The following EIF3E variants were observed in gnomAD, a reference collection of about 807,000 sequenced individuals.
The protein encoded by EIF3E is eIF-3 p48.
In EIF3E, 25 loss-of-function variants were observed where a neutral mutation model predicts 59.3. That is an observed-to-expected ratio of 0.42 (90% CI 0.31 to 0.59). The LOEUF (loss-of-function observed/expected upper bound fraction) is 0.59. Ranked by LOEUF, EIF3E falls within the 20% of genes least tolerant of loss-of-function variation. The probability of loss-of-function intolerance (pLI) is 0.15; values close to 1 mark genes in which losing one functional copy is unlikely to be tolerated. For missense variants in EIF3E, 317 were observed against 534.3 expected (o/e 0.59, Z 4.01); for synonymous variants, 176 against 170.2 (o/e 1.03, Z -0.26).
Position 108,217,382 on chromosome 8 carries a change from A to G in EIF3E, c.801T>C (p.Val267=). The part of the protein sequence containing the change: ...LTTAVITNKD[V]RKRRQVLKDL... ...CTTTTAGAACCTGCCGACGTTTTCG[A>G]ACATCCTTGTTTGTTATGACTGCTG... Residue 267 remains valine (V), a synonymous_variant, in exon 8 of 13, where the codon GTT becomes GTC. Coordinates refer to ENST00000220849, the MANE Select transcript of EIF3E (RefSeq NM_001568.3). 3 of 1,595,740 alleles carry G rather than the reference A, an allele frequency of 1.9e-6. No homozygotes were observed. The highest frequency in any genetic ancestry group is 2.6e-6 in the Non-Finnish European group (3 of 1,170,714).
intron 2 of EIF3E, among the ~76,000 whole-genome samples, chr8:108,241,063 G>C (rs1480179083): frequency 2.0e-5 from 3 of 152,080 alleles, no homozygotes; most frequent in Non-Finnish European, 4.4e-5. Flanking sequence ...TTATTGCAGG[G>C]AACTACAAGT....
At chr8:108,243,011 A>G (rs1312391969) in intron 1 of EIF3E, among the ~76,000 whole-genome samples, 1 of 152,238 alleles carries the variant, frequency 6.6e-6, no homozygotes, top group East Asian at 1.9e-4. Flanking sequence ...AAATGGGTGC[A>G]TATAGTCAAA....
intron 5 of EIF3E, among the ~76,000 whole-genome samples, chr8:108,232,450 G>A (rs1026971365): frequency 2.6e-5 from 4 of 151,912 alleles, no homozygotes; most frequent in African/African-American, 9.7e-5. Context: ...GATTTGTTAG[G>A]GGCAATGCAA....
At chr8:108,236,247 GA>G (rs1815727480) in intron 3 of EIF3E, 44 bp from the exon 4 acceptor site, 2 of 1,523,300 alleles carry the variant, frequency 1.3e-6, no homozygotes, top group Non-Finnish European at 1.8e-6. Context: ...AAAGGCCACA[GA>G]AAACAAAATA....
chr8:108,207,448 A>G (rs1815125153), intron 10 of EIF3E, among the ~76,000 whole-genome samples: 1 of 152,230 alleles, frequency 6.6e-6, no homozygotes, highest in African/African-American at 2.4e-5. Flanking sequence ...AATTTTAAAA[A>G]GACAAAAAGT....
intron 6 of EIF3E, among the ~76,000 whole-genome samples, chr8:108,228,767 C>A (rs1024626735): frequency 2.4e-4 from 36 of 151,978 alleles, no homozygotes; most frequent in Non-Finnish European, 1.5e-5. Context: ...ATAGGACTTT[C>A]AATAATAGGT....
At chr8:108,216,804 C>A (rs1422322069) in intron 8 of EIF3E, among the ~76,000 whole-genome samples, 1 of 152,092 alleles carries the variant, frequency 6.6e-6, no homozygotes, top group Non-Finnish European at 1.5e-5. Flanking sequence ...ATAAACTTCC[C>A]CAATCATAAG....
At chr8:108,209,365 T>A (rs1815164330) in intron 10 of EIF3E, among the ~76,000 whole-genome samples, 1 of 152,130 alleles carries the variant, frequency 6.6e-6, no homozygotes, top group Non-Finnish European at 1.5e-5. Flanking sequence ...CAGGATTCAC[T>A]GACCCTACCT....
At chr8:108,214,774 G>A (rs1815271709) in intron 9 of EIF3E, 58 bp from the exon 10 acceptor site, 3 of 1,411,702 alleles carry the variant, frequency 2.1e-6, no homozygotes, top group Non-Finnish European at 2.9e-6. Flanking sequence ...CCTGAAACGT[G>A]AATCAAATAC....
At chr8:108,217,062 G>A (rs1353045266) in intron 8 of EIF3E, among the ~76,000 whole-genome samples, 1 of 152,038 alleles carries the variant, frequency 6.6e-6, no homozygotes, top group Non-Finnish European at 1.5e-5. Flanking sequence ...TTCACTCTTT[G>A]CAATAAGAGA....
At chr8:108,207,436 C>A (rs906167064) in intron 10 of EIF3E, among the ~76,000 whole-genome samples, 2 of 152,054 alleles carry the variant, frequency 1.3e-5, no homozygotes, top group African/African-American at 4.8e-5. Flanking sequence ...AGAAATAAAA[C>A]CAATTTTAAA....
intron 2 of EIF3E, 121 bp downstream of exon 2, chr8:108,241,678 G>C: frequency 1.9e-6 from 1 of 516,364 alleles, no homozygotes. Context: ...CTCACCCAAA[G>C]AACATTAACA....
intron 10 of EIF3E, 128 bp from the exon 11 acceptor site, chr8:108,203,631 C>A: frequency 1.4e-6 from 1 of 700,428 alleles, no homozygotes. Context: ...CTCTTATATA[C>A]CATGACCCCT....
At chr8:108,233,643 A>T (rs1291614631) in intron 5 of EIF3E, 8 of 407,908 alleles carry the variant, frequency 2.0e-5, no homozygotes, top group African/African-American at 1.5e-4. Context: ...GGAGTTTGAG[A>T]TCAGCCTGGG....
chr8:108,212,234 C>T (rs1815224192), intron 10 of EIF3E, among the ~76,000 whole-genome samples: 1 of 152,122 alleles, frequency 6.6e-6, no homozygotes, highest in South Asian at 2.1e-4. Context: ...TCTGCTTATA[C>T]ACATATATAA....
chr8:108,207,271 G>A (rs1329649516), intron 10 of EIF3E, among the ~76,000 whole-genome samples: 2 of 152,038 alleles, frequency 1.3e-5, no homozygotes, highest in Admixed American at 1.3e-4. Context: ...AGGAATTTCA[G>A]ACCAGCCTGG....
Position 108,232,417 on chromosome 8 carries a change from A to G in EIF3E, c.471+2581T>C, listed in dbSNP as rs62537570. On this transcript the variant is annotated intron_variant, in intron 5 of 12. Transcript: ENST00000220849. Reference sequence around the variant, plus strand: ...CACAGTATTCAATCACTTAATCAAAATATCATTTGAGTTCCAGCACAAGAT... The same window carrying G: ...CACAGTATTCAATCACTTAATCAAAGTATCATTTGAGTTCCAGCACAAGAT... 3.2e-3 allele frequency among the ~76,000 whole-genome samples: 484 copies of G among 152,268 alleles called. 1 individual carries two copies. Among genetic ancestry groups the G allele is most frequent in the Non-Finnish European group, 4.7e-3 (318 of 67,980 alleles).
At chr8:108,233,621 C>A in intron 5 of EIF3E, 1 of 376,972 alleles carries the variant, frequency 2.7e-6, no homozygotes, top group Non-Finnish European at 5.4e-6. Context: ...GAGGGAGGAT[C>A]ACTTCAGGCC....
At chr8:108,214,737 A>G (rs749061301) in intron 9 of EIF3E, 21 bp from the exon 10 acceptor site, 1 of 1,576,032 alleles carries the variant, frequency 6.3e-7, no homozygotes, top group Non-Finnish European at 8.6e-7. Flanking sequence ...AAATACAACA[A>G]AAATTAATGA....
Sources: gnomAD v4.1 joint callset for allele counts (sites outside exome capture counted in the v4.1 genomes callset) on GRCh38, gnomAD v4.1.1 for gene constraint, MANE v1.5 for transcripts, NCBI Gene and HGNC (gene_info 2026-07-23, HGNC 2026-07-21) for gene names.